The following ACSM2A variants were observed in gnomAD, a reference collection of about 807,000 sequenced individuals.
ACSM2A encodes the protein acyl-coenzyme A synthetase ACSM2A, mitochondrial.
In ACSM2A, 72 loss-of-function variants were observed where a neutral mutation model predicts 76.6. The ratio of observed to expected loss-of-function variants is 0.94; its 90% confidence interval spans 0.78 to 1.14. The LOEUF (loss-of-function observed/expected upper bound fraction) is 1.14. Ranked by LOEUF, ACSM2A falls within the 50% of genes most tolerant of loss-of-function variation. The pLI, the probability that ACSM2A is intolerant of heterozygous loss-of-function variation, is 0.00. For synonymous variants in ACSM2A, 249 were observed against 255.9 expected (o/e 0.97, Z 0.26); for missense variants, 684 against 708.5 (o/e 0.97, Z 0.39).
chr16:20,476,055 G>T, intron 8 of ACSM2A: 1 of 1,071,010 alleles, frequency 9.3e-7, no homozygotes, highest in Non-Finnish European at 1.2e-6. Context: ...GATGGAAAAA[G>T]TAAAGTAGAT....
At chr16:20,469,870 GTATTTTTTTTT>G (rs112419175) in intron 4 of ACSM2A, 151 bp downstream of exon 4, 42 of 617,988 alleles carry the variant, frequency 6.8e-5, no homozygotes, top group African/African-American at 5.4e-4. Context: ...TAACACAAGG[GTATTTTTTTTT>G]TTTTTTTTTT....
In ACSM2A at chr16:20,469,720, G is replaced by A. The variant is rs535053502; in HGVS notation, c.596+1G>A. The A allele has an allele frequency of 5.5e-5, 89 of 1,613,792 alleles. 1 individual carries two copies. In the East Asian group the frequency reaches 1.3e-3, roughly 23 times the overall value. ...GGCTGAACTTCAAGAAACTACTAAA[G>A]TGAGTATCTACATGTCTCAGCCTGG... On this transcript the variant is annotated splice_donor_variant, in intron 4 of 13. Transcript: ENST00000573854. LOFTEE classifies it high-confidence loss of function.
At chr16:20,480,986 T>G in intron 12 of ACSM2A, 65 bp downstream of exon 12, 1 of 1,593,578 alleles carries the variant, frequency 6.3e-7, no homozygotes, top group Non-Finnish European at 8.6e-7. Context: ...AGTATGATGG[T>G]TTAAGAACAG....
intron 2 of ACSM2A, among the ~76,000 whole-genome samples, chr16:20,463,934 C>T (rs2012795902): frequency 6.6e-6 from 1 of 152,116 alleles, no homozygotes; most frequent in African/African-American, 2.4e-5. Context: ...CTTGAATGCT[C>T]TGTTGCTTAA....
chr16:20,464,774 G>C (rs946885269), intron 2 of ACSM2A, among the ~76,000 whole-genome samples: 4 of 152,090 alleles, frequency 2.6e-5, no homozygotes, highest in African/African-American at 9.7e-5. Flanking sequence ...GTTTATCAGG[G>C]CCTAAAGGGA....
At chr16:20,464,393 C>G (rs2012836121) in intron 2 of ACSM2A, among the ~76,000 whole-genome samples, 1 of 152,114 alleles carries the variant, frequency 6.6e-6, no homozygotes, top group Non-Finnish European at 1.5e-5. Context: ...TTAATTGGCC[C>G]AAAGTTCTGC....
chr16:20,470,029 G>GAGAAAATCTGAACACA lies in ACSM2A; in HGVS notation c.596+310_596+311insAGAAAATCTGAACACA, dbSNP rs1279550765. ...TTAGCATCTGGTCCCCACAGGTTCA[G>GAGAAAATCTGAACACA]GGTTGTCCTGGGGGTGTTATTGCCT... is the stretch of plus-strand genomic sequence containing the variant. On this transcript the variant is annotated intron_variant, in intron 4 of 13. Coordinates refer to ENST00000573854, the MANE Select transcript of ACSM2A (RefSeq NM_001308172.2). Among the ~76,000 whole-genome samples, 152 of 152,226 alleles carry GAGAAAATCTGAACACA rather than the reference G, an allele frequency of 1.0e-3. 1 individual carries two copies. Among genetic ancestry groups the GAGAAAATCTGAACACA allele is most frequent in the African/African-American group, 3.4e-3 (140 of 41,538 alleles).
At chr16:20,466,162 A>C (rs1156328439) in intron 3 of ACSM2A, among the ~76,000 whole-genome samples, 4 of 151,706 alleles carry the variant, frequency 2.6e-5, no homozygotes, top group Non-Finnish European at 4.4e-5. Flanking sequence ...GTTGCACTAC[A>C]GTGGCAACTT....
intron 3 of ACSM2A, among the ~76,000 whole-genome samples, chr16:20,467,761 A>G (rs1263312214): frequency 6.6e-6 from 1 of 152,194 alleles, no homozygotes; most frequent in Non-Finnish European, 1.5e-5. Context: ...GTGATGTTCA[A>G]GAAGTGATAA....
intron 1 of ACSM2A, among the ~76,000 whole-genome samples, chr16:20,456,734 C>T (rs1214713251): frequency 6.7e-6 from 1 of 148,568 alleles, no homozygotes; most frequent in African/African-American, 2.5e-5. Context: ...AAGGCCACAC[C>T]TCAAGGAACT....
rs373462356 is a variant in ACSM2A at position 20,465,488 on chromosome 16, C to T, written c.178-29C>T. 319 of 1,612,158 alleles carry T rather than the reference C, an allele frequency of 2.0e-4. 1 individual carries two copies. In the African/African-American group the frequency reaches 3.5e-3, roughly 18 times the overall value. On this transcript the variant is annotated intron_variant, in intron 2 of 13. Coordinates refer to ENST00000573854, the MANE Select transcript of ACSM2A (RefSeq NM_001308172.2). ...CCTACCTGCTTGTGTACCAATGCCC[C>T]CTGATCAACAGGGCTTCTCTTTCCT...
chr16:20,454,987 AAC>A (rs2012048610), intron 1 of ACSM2A, among the ~76,000 whole-genome samples: 3 of 151,550 alleles, frequency 2.0e-5, no homozygotes, highest in African/African-American at 7.3e-5. Context: ...GGAAATAAAG[AAC>A]ACAGAGAAAA....
At chr16:20,477,690 C>G (rs2013832539) in intron 9 of ACSM2A, among the ~76,000 whole-genome samples, 1 of 152,096 alleles carries the variant, frequency 6.6e-6, no homozygotes, top group African/African-American at 2.4e-5. Context: ...AGCAAATTAG[C>G]TAGACAGTAC....
chr16:20,466,944 A>G (rs1039258539), intron 3 of ACSM2A, among the ~76,000 whole-genome samples: 14 of 152,234 alleles, frequency 9.2e-5, no homozygotes, highest in African/African-American at 3.1e-4. Context: ...GCACGGACAC[A>G]GTTAGTTTCA....
intron 1 of ACSM2A, among the ~76,000 whole-genome samples, chr16:20,458,736 G>C (rs931438003): frequency 7.1e-5 from 10 of 141,538 alleles, no homozygotes; most frequent in African/African-American, 2.6e-4. Context: ...TGGTATGGGA[G>C]GGAGACAGCA....
chr16:20,475,029 C>G (rs2013644655), intron 6 of ACSM2A, among the ~76,000 whole-genome samples: 1 of 152,030 alleles, frequency 6.6e-6, no homozygotes, highest in Non-Finnish European at 1.5e-5. Context: ...CTGATCTTCC[C>G]TTAGTTGCTG....
intron 1 of ACSM2A, among the ~76,000 whole-genome samples, chr16:20,458,585 G>GTATATATATTTTT (rs920087544): frequency 4.2e-5 from 6 of 141,804 alleles, no homozygotes; most frequent in African/African-American, 1.5e-4. Context: ...ATATAATATA[G>GTATATATATTTTT]TATATATATT....
chr16:20,483,295 C>T (rs1354466710), intron 13 of ACSM2A, 118 bp downstream of exon 13: 13 of 1,470,618 alleles, frequency 8.8e-6, no homozygotes, highest in East Asian at 2.6e-5. Flanking sequence ...CCTGGCTGGG[C>T]GCGGCAGCTC....
Position 20,457,276 on chromosome 16 carries a change from C to G in ACSM2A, c.-8-2831C>G, listed in dbSNP as rs1454565740. Among the ~76,000 whole-genome samples the G allele has an allele frequency of 4.6e-5, 7 of 152,064 alleles. No homozygotes were observed. The South Asian group carries it at 1.2e-3, about 27-fold the overall frequency. On this transcript the variant is annotated intron_variant, in intron 1 of 13. Coordinates refer to ENST00000573854, the MANE Select transcript of ACSM2A (RefSeq NM_001308172.2). ...TGGTACCAATCCTATCGACGCTATT[C>G]CACAAGATAAAGAGGGAATCCTCCC...
Sources: allele counts gnomAD v4.1 joint callset (sites outside exome capture counted in the v4.1 genomes callset), GRCh38; gene constraint gnomAD v4.1.1; transcripts MANE v1.5; gene names NCBI Gene and HGNC (gene_info 2026-07-23, HGNC 2026-07-21).